The following NSRP1 variants were observed in gnomAD, a reference collection of about 807,000 sequenced individuals.
The protein encoded by NSRP1 is coiled-coil domain containing 55.
NSRP1 carries 24 observed loss-of-function variants against 54.7 expected under a neutral mutation model. The ratio of observed to expected loss-of-function variants is 0.44; its 90% confidence interval spans 0.32 to 0.62. The LOEUF (loss-of-function observed/expected upper bound fraction) is 0.62. Among genes scored for constraint, NSRP1 ranks in the 20% least tolerant of loss-of-function variants. The pLI is 0.06. For missense variants in NSRP1, 596 were observed against 651.2 expected, an observed-to-expected ratio of 0.92 and a Z score of 0.92; for synonymous variants, 210 against 213.8, an observed-to-expected ratio of 0.98 and a Z score of 0.15.
chr17:30,184,776 T>C lies in NSRP1; in HGVS notation c.779T>C (p.Ile260Thr), dbSNP rs761957472. 1.1e-5 allele frequency: 17 copies of C among 1,613,580 alleles called. No individual in the cohort carries two copies. The highest frequency in any genetic ancestry group is 2.2e-5 in the South Asian group (2 of 91,016). Residue 260 changes from isoleucine to threonine, a missense_variant, in exon 7 of 7, where the codon ATA (isoleucine) becomes ACA (threonine). By Grantham distance (89) the Ile-to-Thr change is moderately conservative. Coordinates refer to ENST00000247026, the MANE Select transcript of NSRP1 (RefSeq NM_032141.4). ...FDAKSSADDE[I>T]EETRVNCRRE... Reference sequence around the variant, plus strand: ...GCTAAGAGCAGTGCGGATGATGAAATAGAAGAAACTAGAGTGAACTGCAGA... The same window carrying C: ...GCTAAGAGCAGTGCGGATGATGAAACAGAAGAAACTAGAGTGAACTGCAGA...
chr17:30,121,500 A>G (rs1295525831), intron 2 of NSRP1, among the ~76,000 whole-genome samples: 1 of 144,440 alleles, frequency 6.9e-6, no homozygotes, highest in African/African-American at 2.6e-5. Context: ...AAAAAAATAT[A>G]TAATTCACAC....
At chr17:30,174,050 A>G (rs1167632994) in intron 3 of NSRP1, among the ~76,000 whole-genome samples, 2 of 152,242 alleles carry the variant, frequency 1.3e-5, no homozygotes, top group Admixed American at 6.5e-5. Context: ...ATTAAGTTCA[A>G]CTTCCTCACT....
intron 2 of NSRP1, among the ~76,000 whole-genome samples, chr17:30,170,050 T>G (rs183277710): frequency 6.6e-6 from 1 of 152,188 alleles, no homozygotes; most frequent in Non-Finnish European, 1.5e-5. Flanking sequence ...GGGACAGAGA[T>G]AACCCATGTA....
chr17:30,129,183 C>T (rs1297555123), intron 2 of NSRP1, among the ~76,000 whole-genome samples: 1 of 151,712 alleles, frequency 6.6e-6, no homozygotes, highest in Non-Finnish European at 1.5e-5. Context: ...AGATATAACA[C>T]ATTTTATCTG....
chr17:30,135,721 C>T (rs111538777), intron 2 of NSRP1, among the ~76,000 whole-genome samples: 12,650 of 151,204 alleles, frequency 0.084, 1,660 homozygotes, highest in African/African-American at 0.28. Context: ...TGACCCGCCT[C>T]GGCCTCCCAA....
In NSRP1 at chr17:30,145,239, G is replaced by A. The variant is rs141237804; in HGVS notation, c.114+27066G>A. On this transcript the variant is annotated intron_variant, in intron 2 of 6. Coordinates refer to ENST00000247026, the MANE Select transcript of NSRP1 (RefSeq NM_032141.4). ...GAAACCCTTGTGAAAGTTTTTATGG[G>A]GATATATATTCAGGGGTGGGATTTC... Among the ~76,000 whole-genome samples the A allele has an allele frequency of 5.3e-3, 806 of 152,106 alleles. 7 individuals are homozygous for A. The highest frequency in any genetic ancestry group is 0.018 in the African/African-American group (760 of 41,504).
chr17:30,162,300 G>T (rs1233147375), intron 2 of NSRP1, among the ~76,000 whole-genome samples: 1 of 152,092 alleles, frequency 6.6e-6, no homozygotes, highest in African/African-American at 2.4e-5. Flanking sequence ...AAAGTGCTGG[G>T]ATTACAGGCG....
chr17:30,120,177 C>T (rs1166270290), intron 2 of NSRP1, among the ~76,000 whole-genome samples: 4 of 152,204 alleles, frequency 2.6e-5, no homozygotes, highest in South Asian at 4.1e-4. Context: ...ACTTACTCCA[C>T]TCAGTATAAT....
Position 30,179,117 on chromosome 17 carries a change from G to A in NSRP1, c.328G>A (p.Ala110Thr). ...CAAGTATATTCACAACTTGCTAAAA[G>A]CAGTTGAGATCAGAAAAAAGGAACA... ...KPKYIHNLLK[A>T]VEIRKKEQEK... Residue 110 changes from alanine (A) to threonine (T), a missense_variant, in exon 5 of 7, where the codon GCA becomes ACA. Coordinates refer to ENST00000247026, the MANE Select transcript of NSRP1 (RefSeq NM_032141.4). The A allele has an allele frequency of 6.3e-7, 1 of 1,591,634 alleles. No individual in the cohort carries two copies. The highest frequency in any genetic ancestry group is 2.2e-5 in the East Asian group (1 of 44,650).
intron 2 of NSRP1, among the ~76,000 whole-genome samples, chr17:30,161,690 CA>C (rs1318267061): frequency 1.3e-5 from 2 of 152,054 alleles, no homozygotes; most frequent in African/African-American, 4.8e-5. Flanking sequence ...TAAGACTTGT[CA>C]AAAATGATAC....
intron 2 of NSRP1, among the ~76,000 whole-genome samples, chr17:30,150,982 T>G (rs924395229): frequency 6.6e-6 from 1 of 152,044 alleles, no homozygotes; most frequent in African/African-American, 2.4e-5. Context: ...GCCACCACAC[T>G]TGGCTGTTTC....
At chr17:30,147,873 G>A (rs544785580) in intron 2 of NSRP1, among the ~76,000 whole-genome samples, 1 of 150,634 alleles carries the variant, frequency 6.6e-6, no homozygotes, top group African/African-American at 2.4e-5. Flanking sequence ...GTGCAATGGC[G>A]CAACCTCAGC....
chr17:30,176,109 T>TG (rs779497655), intron 3 of NSRP1, among the ~76,000 whole-genome samples: 1 of 32,292 alleles, frequency 3.1e-5, no homozygotes, highest in African/African-American at 2.0e-4. Flanking sequence ...TTGTTGTTGT[T>TG]TTGTTTTGTT....
chr17:30,127,397 G>A lies in NSRP1; in HGVS notation c.114+9224G>A, dbSNP rs948959261. On this transcript the variant is annotated intron_variant, in intron 2 of 6. Coordinates refer to ENST00000247026, the MANE Select transcript of NSRP1 (RefSeq NM_032141.4). ...TAATTTATATGCCATTAAGAGATAC[G>A]ATGTATAGAATCTGAAAATTGTTGC... Among the ~76,000 whole-genome samples, 8 of 152,094 alleles carry A rather than the reference G, an allele frequency of 5.3e-5. No individual in the cohort carries two copies. In the East Asian group the frequency reaches 5.8e-4, roughly 11 times the overall value.
At chr17:30,130,245 A>G (rs1391108734) in intron 2 of NSRP1, among the ~76,000 whole-genome samples, 1 of 151,962 alleles carries the variant, frequency 6.6e-6, no homozygotes, top group Non-Finnish European at 1.5e-5. Context: ...ACAGTCATGC[A>G]CTACCATGCC....
intron 5 of NSRP1, 152 bp downstream of exon 5, chr17:30,179,449 A>G: frequency 2.4e-6 from 3 of 1,234,714 alleles, no homozygotes; most frequent in Non-Finnish European, 3.1e-6. Context: ...ATGGTATTAT[A>G]TAGCAGTATA....
chr17:30,143,126 T>A (rs1252910224), intron 2 of NSRP1, among the ~76,000 whole-genome samples: 1 of 152,230 alleles, frequency 6.6e-6, no homozygotes, highest in Non-Finnish European at 1.5e-5. Context: ...CCATTCCAAC[T>A]TTACCATAAA....
chr17:30,119,887 C>T lies in NSRP1; in HGVS notation c.114+1714C>T, dbSNP rs1053593484. On this transcript the variant is annotated intron_variant, in intron 2 of 6. Transcript: ENST00000247026. ...TTTGCTACTTTTGAAGACATTGGCT[C>T]TTTATGGCTCACAGTTTTTAAAAAT... 7.2e-5 allele frequency among the ~76,000 whole-genome samples: 11 copies of T among 152,120 alleles called. 1 individual carries two copies. The highest frequency in any genetic ancestry group is 2.7e-4 in the African/African-American group (11 of 41,420).
rs192718610 is a variant in NSRP1 at position 30,151,665 on chromosome 17, T to C, written c.115-20877T>C. Among the ~76,000 whole-genome samples the C allele has an allele frequency of 3.7e-4, 56 of 152,086 alleles. No homozygotes were observed. The East Asian group carries it at 8.5e-3, about 23-fold the overall frequency. ...GAGGTGAAAGGTGAGGCAGGCACAT[T>C]GGGTGTAACTTTTACTTAAAATCTA... On this transcript the variant is annotated intron_variant, in intron 2 of 6. Transcript: ENST00000247026.
Sources: allele counts gnomAD v4.1 joint callset (sites outside exome capture counted in the v4.1 genomes callset), GRCh38; gene constraint gnomAD v4.1.1; transcripts MANE v1.5; gene names NCBI Gene and HGNC (gene_info 2026-07-23, HGNC 2026-07-21).